BTN2A2: variants seen among roughly 807,000 people sequenced by gnomAD.
The protein encoded by BTN2A2 is butyrophilin subfamily 2 member A2, also known as butyrophilin 2.
In BTN2A2, 29 loss-of-function variants were observed where a neutral mutation model predicts 34.7. That is an observed-to-expected ratio of 0.84 (90% confidence interval 0.62 to 1.14). The LOEUF is 1.14. Ranked by LOEUF, BTN2A2 falls within the 50% of genes most tolerant of loss-of-function variation. The pLI is 0.00. For missense variants in BTN2A2, 612 were observed against 651.5 expected (o/e 0.94, Z 0.66); for synonymous variants, 240 against 253.1 (o/e 0.95, Z 0.49).
In BTN2A2 at chr6:26,385,222, C is replaced by A. The variant is rs1761114172; in HGVS notation, c.302C>A (p.Thr101Asn). 6.2e-7 allele frequency: 1 copy of A among 1,613,980 alleles called. No homozygotes were observed. ...ATGGAGGAGTACCGGGGAAGAATCA[C>A]CTTTGTGAGCAAAGACATCAACAGG... ...EQMEEYRGRI[T>N]FVSKDINRGS... Residue 101 changes from threonine to asparagine, a missense_variant, in exon 3 of 8, where the codon ACC becomes AAC. Coordinates refer to ENST00000356709, the MANE Select transcript of BTN2A2 (RefSeq NM_006995.5).
At chr6:26,385,393 T>G in intron 3 of BTN2A2, 31 bp downstream of exon 3, 9 of 1,585,028 alleles carry the variant, frequency 5.7e-6, no homozygotes, top group Non-Finnish European at 7.8e-6. Context: ...TTATTACTTT[T>G]GCACAGTGTG....
intron 3 of BTN2A2, among the ~76,000 whole-genome samples, chr6:26,387,580 A>AG (rs1290436168): frequency 2.3e-5 from 3 of 128,154 alleles, no homozygotes; most frequent in Non-Finnish European, 5.3e-5. Context: ...AAAAAAAAAA[A>AG]AAAGAAAGAA....
chr6:26,385,413 G>A (rs1761130978), intron 3 of BTN2A2, 51 bp downstream of exon 3: 2 of 1,536,714 alleles, frequency 1.3e-6, no homozygotes, highest in East Asian at 4.6e-5. Flanking sequence ...GACTTTTGGG[G>A]AAAGTTTCTC....
At chr6:26,385,553 T>C in intron 3 of BTN2A2, 191 bp downstream of exon 3, 1 of 164,560 alleles carries the variant, frequency 6.1e-6, no homozygotes, top group Non-Finnish European at 1.2e-5. Flanking sequence ...GTTTCACTTC[T>C]TTTTTTTTTT....
At position 26,394,248 on chromosome 6, in the gene BTN2A2, AAC is replaced by A. The variant is rs1237592165; in HGVS notation, c.*1282_*1283del. 1 of 700,084 alleles carries A rather than the reference AAC, an allele frequency of 1.4e-6. No homozygotes were observed. The highest frequency in any genetic ancestry group is 2.7e-5 in the East Asian group (1 of 37,260). 43.4% of individuals were successfully genotyped at this position (700,084 alleles called of 1,614,324 possible). On this transcript the variant is annotated 3_prime_UTR_variant, in exon 8 of 8. Transcript: ENST00000356709. ...TAGGAATCCCAAAACCACATTTTGA[AAC>A]TAGAATAGTGGATCCTGGAAGTTAA...
At chr6:26,390,658 A>C (rs1297067306) in intron 5 of BTN2A2, 29 bp from the exon 6 acceptor site, 1 of 1,614,056 alleles carries the variant, frequency 6.2e-7, no homozygotes, top group Non-Finnish European at 8.5e-7. Flanking sequence ...TGTTGAAGAC[A>C]TGATTTTGTT....
chr6:26,388,315 G>C (rs571118136), intron 4 of BTN2A2, 21 bp downstream of exon 4: 1 of 1,611,878 alleles, frequency 6.2e-7, no homozygotes, highest in Admixed American at 1.7e-5. Context: ...TGCCCTCTGA[G>C]ACCTATCAAG....
intron 4 of BTN2A2, among the ~76,000 whole-genome samples, 182 bp from the exon 5 acceptor site, chr6:26,389,823 G>A (rs1048831866): frequency 6.6e-6 from 1 of 152,152 alleles, no homozygotes; most frequent in East Asian, 1.9e-4. Context: ...TTCTGGGCCC[G>A]GCCCTGGCAG....
chr6:26,388,260 C>T lies in BTN2A2; in HGVS notation c.690C>T (p.Leu230=), dbSNP rs765928725. The T allele has an allele frequency of 4.4e-5, 71 of 1,614,026 alleles. No individual in the cohort carries two copies. Among genetic ancestry groups the T allele is most frequent in the Non-Finnish European group, 5.4e-5 (64 of 1,180,012 alleles). ...NVSCSVNNTL[L]GQEKETVIFI... Reference sequence around the variant, plus strand: ...CCTGCTCTGTCAACAACACCCTGCTCGGCCAGGAGAAGGAAACTGTCATTT... The same window carrying T: ...CCTGCTCTGTCAACAACACCCTGCTTGGCCAGGAGAAGGAAACTGTCATTT... The change falls in exon 4 of 8, where the codon CTC becomes CTT. Residue 230 remains leucine, a synonymous_variant. Transcript: ENST00000356709.
In BTN2A2 at chr6:26,383,579, G is replaced by T; in HGVS notation, c.-30-213G>T. ...GTGGCCCGAGAAGTGGGAAGAGGAA[G>T]GAGGAAAACGGCCCCCTTGATCTCT... On this transcript the variant is annotated intron_variant, in intron 1 of 7. Coordinates refer to ENST00000356709, the MANE Select transcript of BTN2A2 (RefSeq NM_006995.5). The surrounding 1 kb of genome is among the most constrained non-coding windows in gnomAD (Gnocchi z 4.4). The T allele has an allele frequency of 2.0e-6, 1 of 495,272 alleles. No individual in the cohort carries two copies. Among genetic ancestry groups the T allele is most frequent in the Non-Finnish European group, 3.6e-6 (1 of 278,194 alleles). 30.7% of individuals were successfully genotyped at this position (495,272 alleles called of 1,614,324 possible). A position where few individuals can be genotyped will look rare whatever the true frequency, so the allele number is the denominator to read the frequency against.
chr6:26,387,175 G>A (rs919865150), intron 3 of BTN2A2, among the ~76,000 whole-genome samples: 19 of 152,128 alleles, frequency 1.2e-4, no homozygotes, highest in African/African-American at 4.3e-4. Flanking sequence ...CATTGAGGAG[G>A]CAATATGGTT....
At chr6:26,390,264 A>C (rs779615911) in intron 5 of BTN2A2, 53 bp downstream of exon 5, 1 of 1,539,736 alleles carries the variant, frequency 6.5e-7, no homozygotes. Context: ...TCAAAAAGAA[A>C]AGTTAAATGA....
At chr6:26,392,218 T>A in intron 7 of BTN2A2, 157 bp from the exon 8 acceptor site, 1 of 1,546,236 alleles carries the variant, frequency 6.5e-7, no homozygotes, top group East Asian at 2.4e-5. Flanking sequence ...TCCGTAATTC[T>A]CAGGGTATGA....
chr6:26,385,438 C>T, intron 3 of BTN2A2, 76 bp downstream of exon 3: 2 of 1,341,814 alleles, frequency 1.5e-6, no homozygotes, highest in South Asian at 2.9e-5. Context: ...AACCTCAGGC[C>T]CATTGCAGAC....
In BTN2A2 at chr6:26,392,749, T is replaced by C. The variant is rs1453676688; in HGVS notation, c.1354T>C (p.Tyr452His). ...SLCRVGVFLDYEAGDVSFYNM... is the reference protein window; with the variant it reads ...SLCRVGVFLDHEAGDVSFYNM... The stretch of plus-strand genomic sequence containing the variant: ...TTGCCGGGTGGGCGTCTTCCTGGAC[T>C]ATGAAGCTGGAGATGTCTCCTTCTA... Residue 452 changes from tyrosine to histidine, a missense_variant, in exon 8 of 8, where the codon TAT (tyrosine) becomes CAT (histidine). By Grantham distance (83) the Tyr-to-His change is moderately conservative. Coordinates refer to ENST00000356709, the MANE Select transcript of BTN2A2 (RefSeq NM_006995.5). 8 of 1,614,216 alleles carry C rather than the reference T, an allele frequency of 5.0e-6. No homozygotes were observed. The highest frequency in any genetic ancestry group is 6.8e-6 in the Non-Finnish European group (8 of 1,180,026).
At chr6:26,391,552 A>G (rs1389726598) in intron 7 of BTN2A2, 3 of 153,690 alleles carry the variant, frequency 2.0e-5, no homozygotes, top group Non-Finnish European at 4.3e-5. Context: ...CACAATCACA[A>G]CTTGTCACAA....
At position 26,384,436 on chromosome 6, in the gene BTN2A2, C is replaced by T. The variant is rs1041354526; in HGVS notation, c.94+521C>T. On this transcript the variant is annotated intron_variant, in intron 2 of 7. Coordinates refer to ENST00000356709, the MANE Select transcript of BTN2A2 (RefSeq NM_006995.5). This position sits in a 1 kb window ranked among gnomAD's most constrained non-coding sequence, Gnocchi z 4.0. The stretch of plus-strand genomic sequence containing the variant: ...TATCTGCAATTACAGGCGCAAGACC[C>T]TGTGCCTATTCTACTTTTTATTTTA... 6.6e-6 allele frequency among the ~76,000 whole-genome samples: 1 copy of T among 152,240 alleles called. No homozygotes were observed.
Position 26,383,999 on chromosome 6 carries a change from T to G in BTN2A2, c.94+84T>G. ...TCTGCAAAGGGAAAGAAGGAAGAAC[T>G]GTGGGGTTGTTGACTTATCCTTTCA... is the stretch of plus-strand genomic sequence containing the variant. On this transcript the variant is annotated intron_variant, in intron 2 of 7. Transcript: ENST00000356709. This position sits in a 1 kb window ranked among gnomAD's most constrained non-coding sequence, Gnocchi z 4.4. 2 of 1,464,338 alleles carry G rather than the reference T, an allele frequency of 1.4e-6. No homozygotes were observed. Among genetic ancestry groups the G allele is most frequent in the Non-Finnish European group, 1.9e-6 (2 of 1,046,478 alleles). 90.7% of individuals were successfully genotyped at this position (1,464,338 alleles called of 1,614,324 possible).
At chr6:26,392,299 T>A in intron 7 of BTN2A2, 76 bp from the exon 8 acceptor site, 1 of 1,609,706 alleles carries the variant, frequency 6.2e-7, no homozygotes, top group Admixed American at 1.7e-5. Context: ...TTTCTGAGAC[T>A]TCTCTGGGGA....
Sources: allele counts gnomAD v4.1 joint callset (sites outside exome capture counted in the v4.1 genomes callset), GRCh38; gene constraint gnomAD v4.1.1; non-coding constraint Gnocchi (gnomAD v3.1); transcripts MANE v1.5; gene names NCBI Gene and HGNC (gene_info 2026-07-23, HGNC 2026-07-21).